STIM2: variants seen among roughly 807,000 people sequenced by gnomAD.
The protein encoded by STIM2 is stromal interaction molecule 2.
A neutral mutation model predicts 85.8 loss-of-function variants in STIM2; 31 were observed. That is an observed-to-expected ratio of 0.36 (90% CI 0.27 to 0.49). The LOEUF is 0.49. STIM2 is among the 20% of genes least tolerant of loss of function. The pLI, the probability that STIM2 is intolerant of heterozygous loss-of-function variation, is 0.98. For missense variants in STIM2, 841 were observed against 927.6 expected (o/e 0.91, Z 1.21); for synonymous variants, 356 against 331.1 (o/e 1.08, Z -0.82).
Position 27,017,964 on chromosome 4 carries a change from C to T in STIM2, c.1743C>T (p.Tyr581=). The T allele has an allele frequency of 1.9e-6, 3 of 1,614,114 alleles. No individual in the cohort carries two copies. The highest frequency in any genetic ancestry group is 2.5e-6 in the Non-Finnish European group (3 of 1,180,020). ...ATGAAGAGGAGGAAGAGGCCATTTA[C>T]TTCTCTGCTGAAAAGCAATGGTATT... The change falls in exon 11 of 12, where the codon TAC becomes TAT. Residue 581 remains tyrosine (Y), a synonymous_variant. Coordinates refer to ENST00000467087, the MANE Select transcript of STIM2 (RefSeq NM_020860.4).
intron 10 of STIM2, among the ~76,000 whole-genome samples, chr4:27,012,015 T>G (rs1408845042): frequency 6.6e-6 from 1 of 152,116 alleles, no homozygotes; most frequent in African/African-American, 2.4e-5. Flanking sequence ...TTGTTCATAG[T>G]GTGAAGTTGG....
rs114274956 is a variant in STIM2, at chr4:26,965,900, A to G, written c.397+8174A>G. Among the ~76,000 whole-genome samples the G allele has an allele frequency of 9.2e-4, 140 of 152,262 alleles. 1 individual carries two copies. Among genetic ancestry groups the G allele is most frequent in the African/African-American group, 3.2e-3 (133 of 41,566 alleles). ...GTCCTGTAGAAAACTTGACAATTCT[A>G]TTCTGTAGGAACACGTGAAATAAAT... On this transcript the variant is annotated intron_variant, in intron 3 of 11. Transcript: ENST00000467087.
At chr4:26,903,790 TC>T (rs1724016926) in intron 1 of STIM2, among the ~76,000 whole-genome samples, 1 of 152,096 alleles carries the variant, frequency 6.6e-6, no homozygotes, top group South Asian at 2.1e-4. Context: ...ACAAAAAGTG[TC>T]AAATTCGATA....
chr4:27,022,899 C>T lies in STIM2; in HGVS notation c.2144C>T (p.Ala715Val). The T allele has an allele frequency of 3.1e-6, 5 of 1,614,100 alleles. No individual in the cohort carries two copies. Among genetic ancestry groups the T allele is most frequent in the African/African-American group, 1.3e-5 (1 of 75,014 alleles). Residue 715 changes from alanine to valine, a missense_variant, in exon 12 of 12, where the codon GCC becomes GTC. By Grantham distance (64) the Ala-to-Val change is moderately conservative (BLOSUM62 0). This residue lies in a region of STIM2 where 293 missense variants were observed against 284.5 expected (regional missense o/e 1.03). Transcript: ENST00000467087. ...CCAGTTCAGGAAGCCCCAAGTGTTG[C>T]CAGAATAAGCAGCATCCCACATGAC...
At chr4:26,865,987 CTG>C (rs1186061300) in intron 1 of STIM2, among the ~76,000 whole-genome samples, 1 of 3,922 alleles carries the variant, frequency 2.5e-4, no homozygotes, top group Non-Finnish European at 4.4e-4. Context: ...TAGATAGCTA[CTG>C]TTTTTTTTTT....
intron 10 of STIM2, among the ~76,000 whole-genome samples, chr4:27,013,406 G>T (rs1296038442): frequency 6.6e-6 from 1 of 151,988 alleles, no homozygotes; most frequent in African/African-American, 2.4e-5. Context: ...AACATAGTGT[G>T]TATAGAGTTT....
chr4:26,930,085 C>T (rs1725148892), intron 2 of STIM2, among the ~76,000 whole-genome samples: 1 of 152,134 alleles, frequency 6.6e-6, no homozygotes, highest in African/African-American at 2.4e-5. Flanking sequence ...TCATCATCTT[C>T]TGGACCAACA....
intron 1 of STIM2, chr4:26,861,657 T>A: frequency 7.4e-6 from 2 of 269,590 alleles, no homozygotes; most frequent in Non-Finnish European, 1.3e-5. Flanking sequence ...TCTTTCGTGC[T>A]GCAGAAGTGC....
At chr4:26,872,208 A>G (rs574855770) in intron 1 of STIM2, among the ~76,000 whole-genome samples, 15 of 152,324 alleles carry the variant, frequency 9.8e-5, no homozygotes, top group Middle Eastern at 3.4e-3. Flanking sequence ...CAGTTAGTTG[A>G]TCTAAATAAC....
rs767577020 is a variant in STIM2 at position 27,008,880 on chromosome 4, C to T, written c.1367C>T (p.Ser456Phe). 8.7e-6 allele frequency: 14 copies of T among 1,614,188 alleles called. No homozygotes were observed. In the Admixed American group the frequency reaches 2.0e-4, roughly 23 times the overall value. The stretch of plus-strand genomic sequence containing the variant: ...AACTCAGGACTCCCCAGCCTGACCT[C>T]TTCCCTTTATTCTGATCACAGCTGG... Residue 456 changes from serine (S) to phenylalanine (F), a missense_variant, in exon 10 of 12, where the codon TCT becomes TTT. This residue lies in a region of STIM2 where 408 missense variants were observed against 525.4 expected (regional missense o/e 0.78). Transcript: ENST00000467087.
chr4:26,957,126 C>T (rs1039567116), intron 2 of STIM2, among the ~76,000 whole-genome samples: 3 of 152,052 alleles, frequency 2.0e-5, no homozygotes, highest in African/African-American at 7.2e-5. Flanking sequence ...AGACATCCTC[C>T]CATATAAATT....
chr4:26,887,764 T>G (rs543729439), intron 1 of STIM2, among the ~76,000 whole-genome samples: 1 of 152,206 alleles, frequency 6.6e-6, no homozygotes, highest in Non-Finnish European at 1.5e-5. Flanking sequence ...TATTACCAAT[T>G]ATTTAGTTGC....
intron 2 of STIM2, among the ~76,000 whole-genome samples, chr4:26,929,072 GA>G: frequency 6.6e-6 from 1 of 152,178 alleles, no homozygotes; most frequent in Admixed American, 6.5e-5. Context: ...AAACACACTT[GA>G]AATTTTGAAG....
chr4:27,018,089 A>G, intron 11 of STIM2, 105 bp downstream of exon 11: 2 of 1,497,956 alleles, frequency 1.3e-6, no homozygotes, highest in Non-Finnish European at 9.1e-7. Flanking sequence ...CTGTTGCTAC[A>G]TATCAAGGTA....
Position 27,005,368 on chromosome 4 carries a change from G to A in STIM2, c.982-2165G>A, listed in dbSNP as rs77903799. Among the ~76,000 whole-genome samples, 537 of 152,244 alleles carry A rather than the reference G, an allele frequency of 3.5e-3. 4 individuals carry two copies. Among genetic ancestry groups the A allele is most frequent in the African/African-American group, 0.012 (495 of 41,542 alleles). The stretch of plus-strand genomic sequence containing the variant: ...GCAAGTGATAATACCCCTATTATAC[G>A]TGAGACAATAAGCCTTAGGAACTTA... On this transcript the variant is annotated intron_variant, in intron 7 of 11. Transcript: ENST00000467087.
At position 26,973,791 on chromosome 4, in the gene STIM2, C is replaced by CT. The variant is rs553919877; in HGVS notation, c.397+16067dup. On this transcript the variant is annotated intron_variant, in intron 3 of 11. Coordinates refer to ENST00000467087, the MANE Select transcript of STIM2 (RefSeq NM_020860.4). ...GAGCTGAGTTCAAGTCCTGGATATC[C>CT]TTGTTAACCTTCTGTCTTGTTGATC... Among the ~76,000 whole-genome samples, 831 of 152,240 alleles carry CT rather than the reference C, an allele frequency of 5.5e-3. 7 individuals are homozygous for CT. The highest frequency in any genetic ancestry group is 0.019 in the African/African-American group (790 of 41,546).
intron 3 of STIM2, among the ~76,000 whole-genome samples, chr4:26,966,720 A>G (rs1283881660): frequency 1.3e-5 from 2 of 152,140 alleles, no homozygotes; most frequent in Non-Finnish European, 2.9e-5. Flanking sequence ...ATTTATGTAT[A>G]TATTACATAT....
In STIM2 at chr4:27,023,302, A is replaced by G. The variant is rs1424090727; in HGVS notation, c.*306A>G. On this transcript the variant is annotated 3_prime_UTR_variant, in exon 12 of 12. Transcript: ENST00000467087. ...GTGATGTATATGCAACATTTTGTTGAAAGCCACGATGGACTTACAAGCTTT... is the reference window on the plus strand; with the variant it reads ...GTGATGTATATGCAACATTTTGTTGGAAGCCACGATGGACTTACAAGCTTT... The G allele has an allele frequency of 3.4e-6, 1 of 291,212 alleles. No individual in the cohort carries two copies. Among genetic ancestry groups the G allele is most frequent in the African/African-American group, 2.1e-5 (1 of 46,660 alleles). 18.0% of individuals were successfully genotyped at this position (291,212 alleles called of 1,614,324 possible).
Position 27,017,998 on chromosome 4 carries a change from A to G in STIM2, c.1763+14A>G, listed in dbSNP as rs768669504. ...TGAAAAGCAATGGTATTGGCAGTGA[A>G]TAATCTACAGGGCATGTTGGGGCTG... On this transcript the variant is annotated intron_variant, in intron 11 of 11. Coordinates refer to ENST00000467087, the MANE Select transcript of STIM2 (RefSeq NM_020860.4). 16 of 1,613,628 alleles carry G rather than the reference A, an allele frequency of 9.9e-6. No individual in the cohort carries two copies. Among genetic ancestry groups the G allele is most frequent in the South Asian group, 8.8e-5 (8 of 91,040 alleles).
Sources: allele counts gnomAD v4.1 joint callset (sites outside exome capture counted in the v4.1 genomes callset), GRCh38; gene constraint gnomAD v4.1.1; regional missense constraint gnomAD v4.1.1; transcripts MANE v1.5; gene names NCBI Gene and HGNC (gene_info 2026-07-23, HGNC 2026-07-21).